ADAM10: variants seen among roughly 807,000 people sequenced by gnomAD.
The protein encoded by ADAM10 is disintegrin and metalloproteinase domain-containing protein 10.
In ADAM10, 17 loss-of-function variants were observed where a neutral mutation model predicts 90.1. The observed-to-expected ratio is 0.19, with a 90% CI of 0.13 to 0.28. The LOEUF is 0.28. Ranked by LOEUF, ADAM10 falls within the 10% of genes least tolerant of loss-of-function variation. ADAM10 has a pLI of 1.00. For missense variants in ADAM10, 610 were observed against 914.3 expected, an observed-to-expected ratio of 0.67 and a Z score of 4.29; for synonymous variants, 310 against 298.6, an observed-to-expected ratio of 1.04 and a Z score of -0.40.
chr15:58,692,510 C>T (rs1897851056), intron 2 of ADAM10: 2 of 518,846 alleles, frequency 3.9e-6, no homozygotes, highest in South Asian at 1.5e-5. Context: ...TCACCTTTCT[C>T]TTCCTCATCA....
chr15:58,609,949 C>A, intron 14 of ADAM10: 1 of 273,864 alleles, frequency 3.7e-6, no homozygotes, highest in South Asian at 4.3e-5. Context: ...ACGATTTGGG[C>A]AAATAAGTTG....
At chr15:58,632,619 C>T (rs1328033383) in intron 9 of ADAM10, among the ~76,000 whole-genome samples, 3 of 152,250 alleles carry the variant, frequency 2.0e-5, no homozygotes, top group South Asian at 2.1e-4. Context: ...GAATCATGGG[C>T]GTATAACGCT....
At chr15:58,639,578 A>G (rs971170274) in intron 8 of ADAM10, among the ~76,000 whole-genome samples, 33 of 152,160 alleles carry the variant, frequency 2.2e-4, no homozygotes, top group African/African-American at 7.7e-4. Flanking sequence ...CCAAGTAACA[A>G]AAAAGTACAG....
intron 5 of ADAM10, among the ~76,000 whole-genome samples, chr15:58,656,685 T>C (rs1351233177): frequency 6.6e-6 from 1 of 152,212 alleles, no homozygotes; most frequent in African/African-American, 2.4e-5. Flanking sequence ...GAAGAGTTAT[T>C]TTTTATCAGT....
intron 1 of ADAM10, among the ~76,000 whole-genome samples, chr15:58,740,416 GA>G (rs34248418): frequency 5.9e-4 from 77 of 130,514 alleles, no homozygotes; most frequent in Middle Eastern, 4.4e-3. Context: ...CTCTAGGGAA[GA>G]AAAAAAAAAA....
In ADAM10 at chr15:58,633,114, C is replaced by G. The variant is rs78079419; in HGVS notation, c.1176+82G>C. 2.1e-3 allele frequency: 2,785 copies of G among 1,345,892 alleles called. 53 individuals are homozygous for G. The African/African-American group carries it at 0.034, about 16-fold the overall frequency. The allele number at this position is 1,345,892 out of a possible 1,614,324, so 83.4% of individuals were successfully genotyped here. On this transcript the variant is annotated intron_variant, in intron 9 of 15. Transcript: ENST00000260408. ...AAACACTCGTAAGTACATTTGTTTT[C>G]ACGGTGAATTTTAAATAAATCACTC...
intron 5 of ADAM10, among the ~76,000 whole-genome samples, chr15:58,661,590 G>C (rs1896968650): frequency 1.3e-5 from 2 of 151,884 alleles, no homozygotes; most frequent in African/African-American, 4.8e-5. Flanking sequence ...TGATTTTCAG[G>C]TGTTTCCAAT....
intron 9 of ADAM10, chr15:58,629,199 G>A (rs1896030627): frequency 6.6e-6 from 1 of 152,106 alleles, no homozygotes; most frequent in Non-Finnish European, 1.5e-5. Context: ...GCTATAAAAG[G>A]AGGCACTAAA....
intron 2 of ADAM10, among the ~76,000 whole-genome samples, chr15:58,713,789 G>A (rs1402814411): frequency 6.6e-6 from 1 of 151,614 alleles, no homozygotes; most frequent in Non-Finnish European, 1.5e-5. Flanking sequence ...TATTTCAAGA[G>A]CAACAGCTTT....
chr15:58,686,522 T>C, intron 2 of ADAM10: 1 of 1,423,572 alleles, frequency 7.0e-7, no homozygotes, highest in Non-Finnish European at 9.8e-7. Context: ...GCTTCAACAG[T>C]ACTGTATGCA....
chr15:58,693,660 C>A (rs1897891426), intron 2 of ADAM10, among the ~76,000 whole-genome samples: 1 of 150,370 alleles, frequency 6.7e-6, no homozygotes. Context: ...CCTTGGTAGT[C>A]AATGCTACCT....
intron 2 of ADAM10, among the ~76,000 whole-genome samples, chr15:58,714,194 C>T (rs1898573583): frequency 1.3e-5 from 2 of 152,042 alleles, no homozygotes; most frequent in African/African-American, 4.8e-5. Context: ...ATATAATATA[C>T]TCTGTTAATC....
intron 2 of ADAM10, among the ~76,000 whole-genome samples, chr15:58,694,933 G>A (rs549036281): frequency 6.6e-6 from 1 of 152,000 alleles, no homozygotes; most frequent in African/African-American, 2.4e-5. Flanking sequence ...TTTGTGATAC[G>A]ACAGAAACAT....
rs1347013038 is a variant in ADAM10 at position 58,590,773 on chromosome 15, G to C, written c.*6774C>G. On this transcript the variant is annotated 3_prime_UTR_variant, in exon 16 of 16. Transcript: ENST00000260408. Reference sequence around the variant, plus strand: ...TAATAAAATATTCATTTAAAATAAAGAATAAAATTGCTTAATGTGTTCAGT... The same window carrying C: ...TAATAAAATATTCATTTAAAATAAACAATAAAATTGCTTAATGTGTTCAGT... The C allele has an allele frequency of 6.6e-6, 1 of 152,066 alleles. No individual in the cohort carries two copies. Among genetic ancestry groups the C allele is most frequent in the African/African-American group, 2.4e-5 (1 of 41,416 alleles). 9.4% of individuals were successfully genotyped at this position (152,066 alleles called of 1,614,324 possible).
intron 1 of ADAM10, among the ~76,000 whole-genome samples, chr15:58,736,901 G>C (rs1384095816): frequency 1.3e-5 from 2 of 151,834 alleles, no homozygotes; most frequent in African/African-American, 2.4e-5. Context: ...GATCACTTTA[G>C]CTCGGGAGTT....
chr15:58,590,402 A>T lies in ADAM10; in HGVS notation c.*7145T>A, dbSNP rs148915196. The T allele has an allele frequency of 1.3e-5, 2 of 152,346 alleles. No individual in the cohort carries two copies. Among genetic ancestry groups the T allele is most frequent in the East Asian group, 3.9e-4 (2 of 5,194 alleles). The allele number at this position is 152,346 out of a possible 1,614,324, so 9.4% of individuals were successfully genotyped here. A position where few individuals can be genotyped will look rare whatever the true frequency, so the allele number is the denominator to read the frequency against. On this transcript the variant is annotated 3_prime_UTR_variant, in exon 16 of 16. Transcript: ENST00000260408. ...TTAAGTTCACTACTGTATTCTTATC[A>T]TCTAGCCAAGGCCCTGGCACAATCA...
chr15:58,693,132 G>C lies in ADAM10; in HGVS notation c.207-10818C>G, dbSNP rs759192347. Reference sequence around the variant, plus strand: ...TATTGATTATGAGAGACATGAGTTGGGCAATTTCTGCCTAAAAGGCAAAAG... The same window carrying C: ...TATTGATTATGAGAGACATGAGTTGCGCAATTTCTGCCTAAAAGGCAAAAG... On this transcript the variant is annotated intron_variant, in intron 2 of 15. Coordinates refer to ENST00000260408, the MANE Select transcript of ADAM10 (RefSeq NM_001110.4). The C allele has an allele frequency of 5.4e-6, 4 of 737,404 alleles. No individual in the cohort carries two copies. In the East Asian group the frequency reaches 1.0e-4, roughly 19 times the overall value. 45.7% of individuals were successfully genotyped at this position (737,404 alleles called of 1,614,324 possible). A position where few individuals can be genotyped will look rare whatever the true frequency, so the allele number is the denominator to read the frequency against.
chr15:58,638,374 T>C (rs1896324507), intron 8 of ADAM10, among the ~76,000 whole-genome samples: 1 of 151,810 alleles, frequency 6.6e-6, no homozygotes, highest in African/African-American at 2.4e-5. Context: ...ACCCTAATAA[T>C]GAAAATAGAG....
chr15:58,597,434 C>A lies in ADAM10; in HGVS notation c.*113G>T. The A allele has an allele frequency of 7.6e-6, 12 of 1,574,716 alleles. No homozygotes were observed. Among genetic ancestry groups the A allele is most frequent in the Non-Finnish European group, 1.0e-5 (12 of 1,158,578 alleles). On this transcript the variant is annotated 3_prime_UTR_variant, in exon 16 of 16. Transcript: ENST00000260408. Reference sequence around the variant, plus strand: ...AGGATATGATCTCTTGCCATTTTTTCTTCAACTGTTACTTGTGAGGGTTTA... The same window carrying A: ...AGGATATGATCTCTTGCCATTTTTTATTCAACTGTTACTTGTGAGGGTTTA...
Sources: gnomAD v4.1 joint callset for allele counts (sites outside exome capture counted in the v4.1 genomes callset) on GRCh38, gnomAD v4.1.1 for gene constraint, MANE v1.5 for transcripts, NCBI Gene and HGNC (gene_info 2026-07-23, HGNC 2026-07-21) for gene names.